Variants in MS4A6E observed in about 807,000 individuals in gnomAD.
MS4A6E encodes membrane spanning 4-domains A6E, also known as membrane-spanning 4-domains subfamily A member 6E.
Under a neutral mutation model 13.2 loss-of-function variants are expected in MS4A6E, and 8 were observed. That is an observed-to-expected ratio of 0.60 (90% CI 0.35 to 1.09). The LOEUF is 1.09. Ranked by LOEUF, MS4A6E falls within the 50% of genes least tolerant of loss-of-function variation. MS4A6E has a pLI of 0.02. For synonymous variants in MS4A6E, 72 were observed against 67.6 expected, an observed-to-expected ratio of 1.06 and a Z score of -0.32; for missense variants, 177 against 171.1, an observed-to-expected ratio of 1.03 and a Z score of -0.19.
At chr11:60,347,136 AG>A (rs1320063213) in intron 4 of MS4A6E, among the ~76,000 whole-genome samples, 1 of 152,148 alleles carries the variant, frequency 6.6e-6, no homozygotes, top group African/African-American at 2.4e-5. Flanking sequence ...TGGCATGGTT[AG>A]TGGGGGTCCC....
At chr11:60,335,249 G>A (rs1329842250) in intron 2 of MS4A6E, among the ~76,000 whole-genome samples, 2 of 152,154 alleles carry the variant, frequency 1.3e-5, no homozygotes, top group Non-Finnish European at 2.9e-5. Flanking sequence ...TTCTGAATAT[G>A]AGGAGTTGAT....
chr11:60,331,671 G>C (rs1009770982), intron 1 of MS4A6E, among the ~76,000 whole-genome samples: 3 of 152,114 alleles, frequency 2.0e-5, no homozygotes, highest in African/African-American at 7.2e-5. Context: ...CAATTTTGGT[G>C]GTGGTTACTT....
Position 60,334,949 on chromosome 11 carries a change from C to T in MS4A6E, c.54C>T (p.Val18=), listed in dbSNP as rs2085178924. The T allele has an allele frequency of 6.2e-7, 1 of 1,614,042 alleles. No individual in the cohort carries two copies. The highest frequency in any genetic ancestry group is 8.5e-7 in the Non-Finnish European group (1 of 1,180,014). The change falls in exon 2 of 5, where the codon GTC becomes GTT. Residue 18 remains valine, a synonymous_variant. Coordinates refer to ENST00000684409, the MANE Select transcript of MS4A6E (RefSeq NM_139249.4). ...NETIIMLPSN[V]INFSQAEKPE... ...CCATCATAATGCTCCCATCAAATGT[C>T]ATCAACTTCTCCCAAGCAGAGAAAC...
intron 1 of MS4A6E, among the ~76,000 whole-genome samples, chr11:60,333,124 T>A (rs2085167504): frequency 6.6e-6 from 1 of 152,260 alleles, no homozygotes; most frequent in South Asian, 2.1e-4. Flanking sequence ...CTTCTCTGGA[T>A]CCCTTGAATG....
In MS4A6E at chr11:60,337,344, GC is replaced by G. The variant is rs199947316; in HGVS notation, c.148-396del. On this transcript the variant is annotated intron_variant, in intron 2 of 4. Transcript: ENST00000684409. ...CATCCAGATTTTCTGTGTGGTTGATGCTTGCACGAGGGGTTTCTGAGTTGGC... is the reference window on the plus strand; with the variant it reads ...CATCCAGATTTTCTGTGTGGTTGATGTTGCACGAGGGGTTTCTGAGTTGGC... Among the ~76,000 whole-genome samples the G allele has an allele frequency of 3.4e-3, 512 of 152,288 alleles. 7 individuals are homozygous for G. The highest frequency in any genetic ancestry group is 0.03 in the Admixed American group (460 of 15,300).
At chr11:60,342,977 G>C (rs946969828), downstream of MS4A6E, among the ~76,000 whole-genome samples, 16 of 152,158 alleles carry the variant, frequency 1.1e-4, no homozygotes, top group African/African-American at 3.9e-4. Flanking sequence ...CTGTTAGAGG[G>C]TGTTGGACAG....
intron 1 of MS4A6E, 130 bp from the exon 2 acceptor site, chr11:60,334,752 T>C: frequency 1.0e-6 from 1 of 966,378 alleles, no homozygotes; most frequent in Non-Finnish European, 1.5e-6. Flanking sequence ...CACTGCTCCA[T>C]AATATCAGTT....
Position 60,339,887 on chromosome 11 carries a change from G to C in MS4A6E, c.376G>C (p.Val126Leu), listed in dbSNP as rs1443017568. 1 of 1,613,836 alleles carries C rather than the reference G, an allele frequency of 6.2e-7. No homozygotes were observed. Among genetic ancestry groups the C allele is most frequent in the Admixed American group, 1.7e-5 (1 of 60,026 alleles). ...SLAGTLSLML[V>L]STVLEFCLAV... ...TCAGGGAACTCTGTCTCTGATGCTG[G>C]TTTCTACTGTGTTGGAGTTCTGCCT... The change falls in exon 4 of 5, where the codon GTT (valine) becomes CTT (leucine). Residue 126 changes from valine (V) to leucine (L), a missense_variant. Val to Leu is a conservative substitution (Grantham distance 32). Coordinates refer to ENST00000684409, the MANE Select transcript of MS4A6E (RefSeq NM_139249.4).
At chr11:60,327,891 A>T (rs2085129943) in intron 1 of MS4A6E, among the ~76,000 whole-genome samples, 1 of 151,944 alleles carries the variant, frequency 6.6e-6, no homozygotes, top group Non-Finnish European at 1.5e-5. Flanking sequence ...TTAGCCTGTC[A>T]TGGTGGTGCA....
chr11:60,340,602 A>G (rs1015426269), intron 4 of MS4A6E, among the ~76,000 whole-genome samples, 174 bp from the exon 5 acceptor site: 2 of 152,246 alleles, frequency 1.3e-5, no homozygotes, highest in Non-Finnish European at 2.9e-5. Context: ...CTAGACTGAT[A>G]AATTGTAATT....
intron 2 of MS4A6E, among the ~76,000 whole-genome samples, 158 bp downstream of exon 2, chr11:60,335,200 T>A (rs2085181138): frequency 6.6e-6 from 1 of 152,184 alleles, no homozygotes; most frequent in African/African-American, 2.4e-5. Flanking sequence ...TCCCAGAACT[T>A]TTCCACAGGA....
chr11:60,337,726 G>C lies in MS4A6E; in HGVS notation c.148-15G>C, dbSNP rs2289614. The C allele has an allele frequency of 0.29, 472,433 of 1,613,626 alleles. 73,190 individuals are homozygous for C. The highest frequency in any genetic ancestry group is 0.33 in the Admixed American group (19,874 of 60,002). On this transcript the variant is annotated splice_polypyrimidine_tract_variant and intron_variant, in intron 2 of 4. Transcript: ENST00000684409. ...GCCCTTTGGGAATGATTCTTACCCA[G>C]CATGTCTCTTTCAGGTGCATAGCAG...
At chr11:60,332,327 T>C (rs1427344729) in intron 1 of MS4A6E, among the ~76,000 whole-genome samples, 3 of 152,232 alleles carry the variant, frequency 2.0e-5, no homozygotes, top group African/African-American at 4.8e-5. Context: ...TTGCATTTCC[T>C]GGGAACACAT....
At chr11:60,339,727 C>G (rs1354333685) in intron 3 of MS4A6E, 139 bp from the exon 4 acceptor site, 4 of 706,234 alleles carry the variant, frequency 5.7e-6, no homozygotes, top group Non-Finnish European at 7.6e-6. Flanking sequence ...TGAGGAGGAG[C>G]AGTTTTGTTT....
At chr11:60,333,363 G>A in intron 1 of MS4A6E, among the ~76,000 whole-genome samples, 1 of 152,188 alleles carries the variant, frequency 6.6e-6, no homozygotes, top group East Asian at 1.9e-4. Flanking sequence ...AGGAAAAGGA[G>A]ATTTTGCTTA....
intron 1 of MS4A6E, among the ~76,000 whole-genome samples, chr11:60,328,314 G>A (rs112737112): frequency 6.6e-6 from 1 of 152,140 alleles, no homozygotes; most frequent in Non-Finnish European, 1.5e-5. Flanking sequence ...GCCATGTGAA[G>A]ATAAAAGGCT....
downstream of MS4A6E, among the ~76,000 whole-genome samples, chr11:60,344,916 T>G (rs7933211): frequency 0.27 from 36,805 of 137,104 alleles, 4,652 homozygotes; most frequent in African/African-American, 0.37. Context: ...GTTTTGTTTT[T>G]TTTGTTTGTT....
chr11:60,337,172 C>T (rs1043961756), intron 2 of MS4A6E, among the ~76,000 whole-genome samples: 41 of 152,276 alleles, frequency 2.7e-4, no homozygotes, highest in African/African-American at 9.9e-4. Flanking sequence ...TCAGAACCAC[C>T]CCCTCACTCA....
intron 4 of MS4A6E, among the ~76,000 whole-genome samples, chr11:60,340,328 C>A (rs1480271164): frequency 6.6e-6 from 1 of 152,172 alleles, no homozygotes; most frequent in Non-Finnish European, 1.5e-5. Flanking sequence ...TAAGCAGAAA[C>A]AATTTCTGCC....
Sources: allele counts gnomAD v4.1 joint callset (sites outside exome capture counted in the v4.1 genomes callset), GRCh38; gene constraint gnomAD v4.1.1; transcripts MANE v1.5; gene names NCBI Gene and HGNC (gene_info 2026-07-23, HGNC 2026-07-21).